Variants in PXK observed in about 807,000 individuals in gnomAD.
PXK encodes PX domain-containing protein kinase-like protein.
In PXK, 35 loss-of-function variants were observed where a neutral mutation model predicts 84.7. The ratio of observed to expected loss-of-function variants is 0.41; its 90% CI spans 0.32 to 0.55. The LOEUF is 0.55. Ranked by LOEUF, PXK falls within the 20% of genes least tolerant of loss-of-function variation. PXK has a pLI of 0.21. For synonymous variants in PXK, 253 were observed against 260.8 expected (o/e 0.97, Z 0.29); for missense variants, 634 against 699.7 (o/e 0.91, Z 1.06).
chr3:58,393,930 A>G (rs1479346286), intron 7 of PXK, among the ~76,000 whole-genome samples: 2 of 152,090 alleles, frequency 1.3e-5, no homozygotes, highest in African/African-American at 4.8e-5. Flanking sequence ...TATTCTACCC[A>G]TTGTGTTTCT....
At chr3:58,380,240 T>C (rs186313256) in intron 3 of PXK, among the ~76,000 whole-genome samples, 10 of 148,774 alleles carry the variant, frequency 6.7e-5, no homozygotes, top group Non-Finnish European at 1.3e-4. Flanking sequence ...TCCTGAAAGC[T>C]TATGGGAAAA....
chr3:58,413,195 C>T (rs71311869), intron 17 of PXK: 44,712 of 577,502 alleles, frequency 0.077, 2,038 homozygotes, highest in Middle Eastern at 0.12. Flanking sequence ...TAGCCACCCC[C>T]GGGCTCCAGC....
At chr3:58,405,647 C>G (rs1458781333) in intron 13 of PXK, among the ~76,000 whole-genome samples, 4 of 150,662 alleles carry the variant, frequency 2.7e-5, no homozygotes, top group Non-Finnish European at 1.5e-5. Context: ...CCACTGCACT[C>G]CAGCCTGGGC....
chr3:58,346,630 A>G (rs1261340423), intron 1 of PXK, among the ~76,000 whole-genome samples: 1 of 152,088 alleles, frequency 6.6e-6, no homozygotes, highest in African/African-American at 2.4e-5. Context: ...CAAGTGCTTT[A>G]TAGTAATTCT....
chr3:58,348,786 A>G (rs2097865157), intron 1 of PXK, among the ~76,000 whole-genome samples: 1 of 151,558 alleles, frequency 6.6e-6, no homozygotes, highest in South Asian at 2.1e-4. Context: ...GTGGTGGCAT[A>G]CCTGTAGTCT....
intron 9 of PXK, among the ~76,000 whole-genome samples, chr3:58,396,204 T>G (rs945106585): frequency 2.0e-5 from 3 of 152,204 alleles, no homozygotes; most frequent in Admixed American, 2.0e-4. Flanking sequence ...ATAACCAATT[T>G]AATATCCCAA....
intron 13 of PXK, among the ~76,000 whole-genome samples, chr3:58,405,597 T>C (rs1428215867): frequency 6.6e-6 from 1 of 151,504 alleles, no homozygotes; most frequent in Non-Finnish European, 1.5e-5. Context: ...GAGAATTGCT[T>C]AGACCTGGGA....
intron 13 of PXK, 61 bp from the exon 14 acceptor site, chr3:58,408,862 AG>A: frequency 7.8e-7 from 1 of 1,274,786 alleles, no homozygotes; most frequent in South Asian, 1.2e-5. Flanking sequence ...CATTTACTCC[AG>A]GACTTGGAAG....
In PXK at chr3:58,365,931, A is replaced by ATTT. The variant is rs759753174; in HGVS notation, c.153+8_153+9insTTT. On this transcript the variant is annotated splice_region_variant and intron_variant, in intron 2 of 17. Transcript: ENST00000356151. ...TGTGGAAAACAGCTGGCAGGTAAGC[A>ATTT]TCTTTTTTTTTTTTTTTGTCAATTA... 4 of 1,492,494 alleles carry ATTT rather than the reference A, an allele frequency of 2.7e-6. No individual in the cohort carries two copies. Among genetic ancestry groups the ATTT allele is most frequent in the Non-Finnish European group, 3.6e-6 (4 of 1,124,864 alleles). The allele number at this position is 1,492,494 out of a possible 1,614,324, so 92.5% of individuals were successfully genotyped here.
intron 7 of PXK, among the ~76,000 whole-genome samples, chr3:58,393,486 AT>A (rs901895218): frequency 6.6e-6 from 1 of 151,636 alleles, no homozygotes; most frequent in African/African-American, 2.4e-5. Context: ...TTAAAACCTG[AT>A]TTTTTTTTCA....
At chr3:58,382,472 T>G in intron 3 of PXK, 42 bp from the exon 4 acceptor site, 1 of 1,443,282 alleles carries the variant, frequency 6.9e-7, no homozygotes, top group Admixed American at 2.7e-5. Context: ...GATTCTTATT[T>G]GTGGATGACA....
intron 2 of PXK, among the ~76,000 whole-genome samples, chr3:58,366,638 A>G (rs576231619): frequency 1.3e-5 from 2 of 152,306 alleles, no homozygotes; most frequent in African/African-American, 4.8e-5. Context: ...TACCTTAAGC[A>G]GCCTCTTACA....
chr3:58,388,185 T>A (rs2106728923), intron 4 of PXK, among the ~76,000 whole-genome samples: 1 of 152,270 alleles, frequency 6.6e-6, no homozygotes, highest in African/African-American at 2.4e-5. Flanking sequence ...TGGGAAGAAA[T>A]TATCCTTTCT....
At chr3:58,415,012 T>C (rs369478224) in intron 17 of PXK, among the ~76,000 whole-genome samples, 2 of 151,998 alleles carry the variant, frequency 1.3e-5, no homozygotes, top group South Asian at 4.2e-4. Flanking sequence ...TCTCATGGAG[T>C]CACATTTCCA....
Position 58,401,529 on chromosome 3 carries a change from G to A in PXK, c.1181+2152G>A, listed in dbSNP as rs2058556176. ...TAATCCCAGCTACTTGGAAGGCTGA[G>A]GTGGTAGAATCGCTTGAGCCTAGGA... On this transcript the variant is annotated intron_variant, in intron 12 of 17. Transcript: ENST00000356151. The surrounding 1 kb of genome is among the most constrained non-coding windows in gnomAD (Gnocchi z 4.4). Among the ~76,000 whole-genome samples, 1 of 152,186 alleles carries A rather than the reference G, an allele frequency of 6.6e-6. No homozygotes were observed. Among genetic ancestry groups the A allele is most frequent in the South Asian group, 2.1e-4 (1 of 4,834 alleles).
Position 58,333,714 on chromosome 3 carries a change from C to T in PXK, c.102+624C>T. On this transcript the variant is annotated intron_variant, in intron 1 of 17. Coordinates refer to ENST00000356151, the MANE Select transcript of PXK (RefSeq NM_017771.5). This position sits in a 1 kb window ranked among gnomAD's most constrained non-coding sequence, Gnocchi z 5.4. ...TGTATGAATGTGCTTCTCTAACTTG[C>T]TCTTTAGTGGGCAGTGGTAGCATTC... 1 of 448,802 alleles carries T rather than the reference C, an allele frequency of 2.2e-6. No homozygotes were observed. The highest frequency in any genetic ancestry group is 4.5e-6 in the Non-Finnish European group (1 of 222,672). The allele number at this position is 448,802 out of a possible 1,614,324, so 27.8% of individuals were successfully genotyped here. A position where few individuals can be genotyped will look rare whatever the true frequency, so the allele number is the denominator to read the frequency against.
chr3:58,380,434 T>TA (rs59756369), intron 3 of PXK, among the ~76,000 whole-genome samples: 44,774 of 142,276 alleles, frequency 0.31, 7,373 homozygotes, highest in Middle Eastern at 0.41. Flanking sequence ...CCCTATCTCT[T>TA]AAAAAAAAAA....
rs2060970696 is a variant in PXK at position 58,416,436 on chromosome 3, G to A, written c.1528+3473G>A. Among the ~76,000 whole-genome samples the A allele has an allele frequency of 6.6e-6, 1 of 152,204 alleles. No individual in the cohort carries two copies. Reference sequence around the variant, plus strand: ...CTATCTCATTGTGATTGGACAAAAAGGGTATGATCTAACCCCAGCAAGGCC... The same window carrying A: ...CTATCTCATTGTGATTGGACAAAAAAGGTATGATCTAACCCCAGCAAGGCC... On this transcript the variant is annotated intron_variant, in intron 17 of 17. Coordinates refer to ENST00000356151, the MANE Select transcript of PXK (RefSeq NM_017771.5). The surrounding 1 kb of genome is among the most constrained non-coding windows in gnomAD (Gnocchi z 4.8).
intron 1 of PXK, among the ~76,000 whole-genome samples, chr3:58,365,430 G>C (rs909436261): frequency 6.6e-6 from 1 of 152,182 alleles, no homozygotes; most frequent in Non-Finnish European, 1.5e-5. Flanking sequence ...TACGCATGAT[G>C]ACTTGGAAAG....
Sources: allele counts gnomAD v4.1 joint callset (sites outside exome capture counted in the v4.1 genomes callset), GRCh38; gene constraint gnomAD v4.1.1; non-coding constraint Gnocchi (gnomAD v3.1); transcripts MANE v1.5; gene names NCBI Gene and HGNC (gene_info 2026-07-23, HGNC 2026-07-21).